Variants in NFIA observed in about 807,000 individuals in gnomAD.
The protein encoded by NFIA is nuclear factor 1 A-type.
NFIA carries 8 observed loss-of-function variants against 62.8 expected under a neutral mutation model. That is an observed-to-expected ratio of 0.13 (90% CI 0.07 to 0.23). NFIA has a LOEUF of 0.23. Ranked by LOEUF, NFIA falls within the 10% of genes least tolerant of loss-of-function variation. The pLI is 1.00. For synonymous variants in NFIA, 235 were observed against 238.1 expected (o/e 0.99, Z 0.12); for missense variants, 410 against 642.1 (o/e 0.64, Z 3.91).
intron 10 of NFIA, among the ~76,000 whole-genome samples, chr1:61,438,115 G>C (rs1667414859): frequency 6.6e-6 from 1 of 152,078 alleles, no homozygotes. Context: ...CCTCTTCTGG[G>C]CAGCATAATG....
intron 6 of NFIA, among the ~76,000 whole-genome samples, chr1:61,371,336 G>A (rs1569652690): frequency 6.6e-6 from 1 of 152,160 alleles, no homozygotes; most frequent in South Asian, 2.1e-4. Flanking sequence ...CGTTCTTCCA[G>A]TGGATTTTTT....
chr1:61,283,597 A>AAAAAAAGAAG (rs1553168482), intron 3 of NFIA, among the ~76,000 whole-genome samples: 2 of 149,252 alleles, frequency 1.3e-5, no homozygotes, highest in African/African-American at 2.4e-5. Context: ...AAAAAAAAAA[A>AAAAAAAGAAG]AAAAAAAAAA....
intron 2 of NFIA, among the ~76,000 whole-genome samples, chr1:61,236,998 T>C (rs1311892292): frequency 6.6e-6 from 1 of 152,178 alleles, no homozygotes; most frequent in Non-Finnish European, 1.5e-5. Flanking sequence ...AGAACCCTTC[T>C]TCTCAAGTCC....
At chr1:61,159,665 T>C (rs1649044572) in intron 2 of NFIA, among the ~76,000 whole-genome samples, 1 of 150,100 alleles carries the variant, frequency 6.7e-6, no homozygotes, top group South Asian at 2.1e-4. Flanking sequence ...AGAATAAAAT[T>C]AGATAATGTA....
chr1:61,457,125 C>A lies in NFIA; in HGVS notation c.*1805C>A, dbSNP rs1211172360. ...TGTTTTTCAGCCCTTCAGAAGGGTT[C>A]TACTACTGTCCTATACAATCAAGTA... On this transcript the variant is annotated 3_prime_UTR_variant, in exon 11 of 11. Coordinates refer to ENST00000403491, the MANE Select transcript of NFIA (RefSeq NM_001134673.4). The surrounding 1 kb of genome is among the most constrained non-coding windows in gnomAD (Gnocchi z 4.2). 6.6e-6 allele frequency: 1 copy of A among 152,194 alleles called. No individual in the cohort carries two copies. Among genetic ancestry groups the A allele is most frequent in the Non-Finnish European group, 1.5e-5 (1 of 68,040 alleles). The allele number at this position is 152,194 out of a possible 1,614,324, so 9.4% of individuals were successfully genotyped here. A position where few individuals can be genotyped will look rare whatever the true frequency, so the allele number is the denominator to read the frequency against.
chr1:61,184,872 A>G (rs1290122866), intron 2 of NFIA, among the ~76,000 whole-genome samples: 2 of 149,262 alleles, frequency 1.3e-5, no homozygotes, highest in African/African-American at 4.9e-5. Context: ...GAAAGAAAAC[A>G]GAGGAGTTTA....
chr1:61,394,544 T>G (rs1462650240), intron 7 of NFIA, among the ~76,000 whole-genome samples: 2 of 152,188 alleles, frequency 1.3e-5, no homozygotes, highest in Non-Finnish European at 2.9e-5. Flanking sequence ...TTAAATAATT[T>G]TGCCCAGATT....
chr1:61,159,680 C>CTTTT (rs11300026), intron 2 of NFIA, among the ~76,000 whole-genome samples: 3 of 85,852 alleles, frequency 3.5e-5, no homozygotes, highest in East Asian at 2.8e-4. Flanking sequence ...AATGTAGATG[C>CTTTT]TTTTTTTTTT....
chr1:61,288,458 T>C (rs1198811130), intron 3 of NFIA, among the ~76,000 whole-genome samples: 1 of 152,192 alleles, frequency 6.6e-6, no homozygotes, highest in East Asian at 1.9e-4. Flanking sequence ...TAAAAAAGAA[T>C]AGTGTTCACA....
At chr1:61,134,599 G>A (rs1647148126) in intron 2 of NFIA, among the ~76,000 whole-genome samples, 1 of 152,148 alleles carries the variant, frequency 6.6e-6, no homozygotes, top group Non-Finnish European at 1.5e-5. Context: ...TAAGATTGAT[G>A]ACTAAGTTGA....
At chr1:61,280,853 C>A (rs1658087635) in intron 3 of NFIA, among the ~76,000 whole-genome samples, 1 of 152,118 alleles carries the variant, frequency 6.6e-6, no homozygotes, top group African/African-American at 2.4e-5. Flanking sequence ...AAAAACTCTG[C>A]CTCTGGAGTC....
rs1379122958 is a variant in NFIA, at chr1:61,082,822, A to C, written c.27+4A>C. The C allele has an allele frequency of 5.2e-6, 8 of 1,540,860 alleles. No homozygotes were observed. The highest frequency in any genetic ancestry group is 7.0e-6 in the Non-Finnish European group (8 of 1,142,068). On this transcript the variant is annotated splice_donor_region_variant and intron_variant, in intron 1 of 10. Transcript: ENST00000403491. ...TTCTCCGCTCTGTCTCACCCAGGTA[A>C]GCCGCGGCGTGGATGCGGAGGGCTT... is the stretch of plus-strand genomic sequence containing the variant.
chr1:61,087,280 A>G (rs962649625), intron 1 of NFIA, among the ~76,000 whole-genome samples: 1 of 152,122 alleles, frequency 6.6e-6, no homozygotes, highest in Non-Finnish European at 1.5e-5. Flanking sequence ...TAGTATTTGC[A>G]AAAATTAAAT....
At chr1:61,079,609 C>T (rs1173868326), upstream of NFIA, among the ~76,000 whole-genome samples, 2 of 152,116 alleles carry the variant, frequency 1.3e-5, no homozygotes, top group Non-Finnish European at 2.9e-5. Flanking sequence ...AGGTTATTTC[C>T]AATAAGGGGT....
At chr1:61,155,578 C>T (rs1013353939) in intron 2 of NFIA, among the ~76,000 whole-genome samples, 3 of 146,310 alleles carry the variant, frequency 2.1e-5, no homozygotes, top group African/African-American at 7.6e-5. Flanking sequence ...GAGGCTGAGG[C>T]AGGAGGATGG....
intron 3 of NFIA, among the ~76,000 whole-genome samples, chr1:61,306,261 ATTTTGTTCTTTTTTTTT>A (rs200601324): frequency 0.11 from 8,079 of 73,312 alleles, 783 homozygotes; most frequent in African/African-American, 0.29. Context: ...GGAGACCCAG[ATTTTGTTCTTTTTTTTT>A]TTTTTTTTTT....
At chr1:61,290,238 T>C (rs953240233) in intron 3 of NFIA, among the ~76,000 whole-genome samples, 1 of 152,184 alleles carries the variant, frequency 6.6e-6, no homozygotes, top group African/African-American at 2.4e-5. Context: ...GATGCCATTA[T>C]GTTTGTTAGA....
chr1:61,150,040 CTG>C (rs1266126779), intron 2 of NFIA, among the ~76,000 whole-genome samples: 1 of 152,124 alleles, frequency 6.6e-6, no homozygotes, highest in Non-Finnish European at 1.5e-5. Context: ...AAGAAGGAAA[CTG>C]AGAGCCTCTT....
chr1:61,403,498 T>C (rs1665670558), intron 7 of NFIA, among the ~76,000 whole-genome samples: 1 of 152,212 alleles, frequency 6.6e-6, no homozygotes, highest in East Asian at 1.9e-4. Flanking sequence ...CTGTAACATA[T>C]GTGCATTTCT....
Sources: gnomAD v4.1 joint callset for allele counts (sites outside exome capture counted in the v4.1 genomes callset) on GRCh38, gnomAD v4.1.1 for gene constraint, Gnocchi (gnomAD v3.1) non-coding constraint, MANE v1.5 for transcripts, NCBI Gene and HGNC (gene_info 2026-07-23, HGNC 2026-07-21) for gene names.